PHF20: variants seen among roughly 807,000 people sequenced by gnomAD.
The protein encoded by PHF20 is PHD finger protein 20, also known as glioma-expressed antigen 2.
A neutral mutation model predicts 113.5 loss-of-function variants in PHF20; 23 were observed. The observed-to-expected ratio is 0.20, with a 90% CI of 0.15 to 0.29. PHF20 has a LOEUF of 0.29. PHF20 is among the 10% of genes least tolerant of loss of function. PHF20 has a pLI of 1.00. For missense variants in PHF20, 943 were observed against 1,219.6 expected, an observed-to-expected ratio of 0.77 and a Z score of 3.38; for synonymous variants, 434 against 457.3, an observed-to-expected ratio of 0.95 and a Z score of 0.65.
chr20:35,818,038 C>T (rs1373292652), intron 2 of PHF20, among the ~76,000 whole-genome samples: 3 of 151,826 alleles, frequency 2.0e-5, no homozygotes, highest in Non-Finnish European at 4.4e-5. Context: ...AATCCCAGCA[C>T]TTTAGGAGGC....
intron 9 of PHF20, among the ~76,000 whole-genome samples, chr20:35,898,326 G>A (rs921082780): frequency 6.6e-6 from 1 of 152,224 alleles, no homozygotes. Flanking sequence ...GAGATACTGA[G>A]GAATGTTCCC....
intron 1 of PHF20, among the ~76,000 whole-genome samples, chr20:35,779,267 C>T (rs2041236971): frequency 6.6e-6 from 1 of 152,012 alleles, no homozygotes; most frequent in African/African-American, 2.4e-5. Context: ...GAACTCCTGA[C>T]CTCATGATCC....
intron 3 of PHF20, among the ~76,000 whole-genome samples, chr20:35,844,059 C>T (rs1453128945): frequency 1.3e-5 from 2 of 152,030 alleles, no homozygotes; most frequent in Admixed American, 6.6e-5. Flanking sequence ...TGAAAGTACA[C>T]TCCACAGAGT....
chr20:35,853,593 A>C (rs1441311197), intron 4 of PHF20, among the ~76,000 whole-genome samples: 2 of 152,096 alleles, frequency 1.3e-5, no homozygotes, highest in Non-Finnish European at 2.9e-5. Flanking sequence ...TCTACAAAAA[A>C]CTAAAAAATA....
intron 2 of PHF20, among the ~76,000 whole-genome samples, chr20:35,827,757 T>C (rs966733155): frequency 7.5e-6 from 1 of 133,704 alleles, no homozygotes; most frequent in African/African-American, 2.9e-5. Flanking sequence ...CGCTCCAGCC[T>C]GGGCAACAGA....
rs1249128664 is a variant in PHF20 at position 35,825,756 on chromosome 20, C to T, written c.84-16817C>T. On this transcript the variant is annotated intron_variant, in intron 2 of 17. Transcript: ENST00000374012. ...ACAGCCTTCAATTCTTTGGCTCAAG[C>T]AGCTCTCTTGCCTCAGCCTCCTGTG... Among the ~76,000 whole-genome samples, 3 of 152,098 alleles carry T rather than the reference C, an allele frequency of 2.0e-5. No individual in the cohort carries two copies. The East Asian group carries it at 5.8e-4, about 29-fold the overall frequency.
chr20:35,938,589 T>C (rs541927406), intron 15 of PHF20, 108 bp from the exon 16 acceptor site: 11 of 1,082,804 alleles, frequency 1.0e-5, no homozygotes, highest in South Asian at 3.1e-5. Context: ...TGTGGTCAGA[T>C]GGCCCAGGTG....
At position 35,869,436 on chromosome 20, in the gene PHF20, A is replaced by C; in HGVS notation, c.809-2A>C. The C allele has an allele frequency of 6.7e-7, 1 of 1,493,282 alleles. No homozygotes were observed. Among genetic ancestry groups the C allele is most frequent in the Non-Finnish European group, 9.3e-7 (1 of 1,076,680 alleles). 92.5% of individuals were successfully genotyped at this position (1,493,282 alleles called of 1,614,324 possible). On this transcript the variant is annotated splice_acceptor_variant, in intron 6 of 17. Coordinates refer to ENST00000374012, the MANE Select transcript of PHF20 (RefSeq NM_016436.5). LOFTEE classifies it high-confidence loss of function. ...TTTTGTGTGGTTTTATAAACATGGT[A>C]GCTGTGGATTCAAACTCTCAAACTT...
At position 35,911,219 on chromosome 20, in the gene PHF20, T is replaced by A. The variant is rs1047168981; in HGVS notation, c.1562-2030T>A. ...CCACGCCCGGCTAATTTTTTCTGTATTTTTAGTAGAGACAGGGTTTTACCA... is the reference window on the plus strand; with the variant it reads ...CCACGCCCGGCTAATTTTTTCTGTAATTTTAGTAGAGACAGGGTTTTACCA... On this transcript the variant is annotated intron_variant, in intron 10 of 17. Transcript: ENST00000374012. Among the ~76,000 whole-genome samples the A allele has an allele frequency of 3.3e-5, 5 of 152,188 alleles. No individual in the cohort carries two copies. In the East Asian group the frequency reaches 9.7e-4, roughly 30 times the overall value.
chr20:35,854,388 G>C (rs2042792307), intron 4 of PHF20, among the ~76,000 whole-genome samples: 1 of 152,180 alleles, frequency 6.6e-6, no homozygotes, highest in Non-Finnish European at 1.5e-5. Flanking sequence ...GATGGAACAG[G>C]ATACACTTAT....
intron 2 of PHF20, among the ~76,000 whole-genome samples, chr20:35,831,201 C>T (rs1275112468): frequency 6.7e-6 from 1 of 149,960 alleles, no homozygotes; most frequent in African/African-American, 2.5e-5. Context: ...ACTCTATCAC[C>T]CAGGGTGGAG....
intron 8 of PHF20, 57 bp downstream of exon 8, chr20:35,871,191 C>A: frequency 7.5e-7 from 1 of 1,326,472 alleles, no homozygotes; most frequent in Non-Finnish European, 1.1e-6. Context: ...TAGTGAGAAT[C>A]AATGTAAATC....
chr20:35,846,129 A>G (rs771573628), intron 3 of PHF20, among the ~76,000 whole-genome samples: 12 of 151,006 alleles, frequency 7.9e-5, no homozygotes, highest in Non-Finnish European at 1.6e-4. Context: ...CTTTTTCCCA[A>G]TTAAGGATTA....
chr20:35,789,761 TG>T (rs2041502528), intron 1 of PHF20, among the ~76,000 whole-genome samples: 1 of 151,092 alleles, frequency 6.6e-6, no homozygotes, highest in Non-Finnish European at 1.5e-5. Flanking sequence ...TCGGCTAGGC[TG>T]GTCTCGAACT....
chr20:35,787,762 C>T (rs1044206299), intron 1 of PHF20, among the ~76,000 whole-genome samples: 84 of 148,940 alleles, frequency 5.6e-4, no homozygotes, highest in African/African-American at 1.8e-3. Flanking sequence ...TGAGCCACCG[C>T]GCCCAGCCTA....
chr20:35,833,844 A>C (rs1374880948), intron 2 of PHF20, among the ~76,000 whole-genome samples: 1 of 151,978 alleles, frequency 6.6e-6, no homozygotes, highest in African/African-American at 2.4e-5. Flanking sequence ...CAGATCACGA[A>C]GTCAGGAGTT....
chr20:35,912,887 T>A (rs1208854212), intron 10 of PHF20, among the ~76,000 whole-genome samples: 1 of 152,198 alleles, frequency 6.6e-6, no homozygotes, highest in Non-Finnish European at 1.5e-5. Flanking sequence ...AGCAGTGATC[T>A]AAGTAGAGTT....
At position 35,938,985 on chromosome 20, in the gene PHF20, C is replaced by T. The variant is rs778564651; in HGVS notation, c.2589C>T (p.Ala863=). Residue 863 remains alanine (A), a synonymous_variant, in exon 16 of 18, where the codon GCC becomes GCT. Coordinates refer to ENST00000374012, the MANE Select transcript of PHF20 (RefSeq NM_016436.5). ...TGGTGGTGGAGACGAGGGGCTCTGC[C>T]CTCGACGATGCGGTCAACCCCCTCC... ...QKLVVETRGS[A]LDDAVNPLHE... is the part of the protein sequence containing the mutation. 6.2e-7 allele frequency: 1 copy of T among 1,614,160 alleles called. No individual in the cohort carries two copies. Among genetic ancestry groups the T allele is most frequent in the Non-Finnish European group, 8.5e-7 (1 of 1,180,022 alleles).
chr20:35,849,899 G>A (rs900115260), intron 4 of PHF20, among the ~76,000 whole-genome samples: 5 of 152,174 alleles, frequency 3.3e-5, no homozygotes, highest in Non-Finnish European at 5.9e-5. Context: ...AATCTCCTTG[G>A]ATGTTTTGCT....
Sources: gnomAD v4.1 joint callset for allele counts (sites outside exome capture counted in the v4.1 genomes callset) on GRCh38, gnomAD v4.1.1 for gene constraint, MANE v1.5 for transcripts, NCBI Gene and HGNC (gene_info 2026-07-23, HGNC 2026-07-21) for gene names.